The following HNRNPM variants were observed in gnomAD, a reference collection of about 807,000 sequenced individuals.
HNRNPM encodes the protein CEA receptor.
HNRNPM carries 11 observed loss-of-function variants against 73.1 expected under a neutral mutation model. The observed-to-expected ratio is 0.15, with a 90% CI of 0.09 to 0.25. HNRNPM has a LOEUF of 0.25. HNRNPM is among the 10% of genes least tolerant of loss of function. HNRNPM has a pLI of 1.00. For missense variants in HNRNPM, 789 were observed against 1,067.9 expected (o/e 0.74, Z 3.64); for synonymous variants, 407 against 355.2 (o/e 1.15, Z -1.64).
chr19:8,462,244 T>G lies in HNRNPM; in HGVS notation c.284-285T>G. On this transcript the variant is annotated intron_variant, in intron 2 of 15. Coordinates refer to ENST00000325495, the MANE Select transcript of HNRNPM (RefSeq NM_005968.5). This position sits in a 1 kb window ranked among gnomAD's most constrained non-coding sequence, Gnocchi z 4.5. ...TTCTTTCCTATAGATTTGGATTGCC[T>G]CTAGTCATGAATGAGTCTTCCAGAC... The G allele has an allele frequency of 5.2e-6, 2 of 385,814 alleles. No homozygotes were observed. Among genetic ancestry groups the G allele is most frequent in the Admixed American group, 7.7e-5 (2 of 25,976 alleles). 23.9% of individuals were successfully genotyped at this position (385,814 alleles called of 1,614,324 possible).
At chr19:8,452,396 TTA>T (rs1446674822) in intron 1 of HNRNPM, among the ~76,000 whole-genome samples, 2 of 150,148 alleles carry the variant, frequency 1.3e-5, no homozygotes, top group Non-Finnish European at 3.0e-5. Flanking sequence ...GTAGATTCTG[TTA>T]TGTTTTATGA....
chr19:8,469,905 A>T (rs968255716), intron 9 of HNRNPM, among the ~76,000 whole-genome samples: 1 of 152,234 alleles, frequency 6.6e-6, no homozygotes, highest in Admixed American at 6.5e-5. Flanking sequence ...TGACAGATGT[A>T]TCTTGAAGGG....
At chr19:8,466,828 CAAAAAAAAAAAA>C (rs61362863) in intron 7 of HNRNPM, among the ~76,000 whole-genome samples, 2 of 56,494 alleles carry the variant, frequency 3.5e-5, no homozygotes, top group South Asian at 1.1e-3. Flanking sequence ...GACTCAGTCT[CAAAAAAAAAAAA>C]AAAAAAAAAA....
chr19:8,474,329 A>G (rs1970359057), intron 12 of HNRNPM, 85 bp downstream of exon 12: 2 of 805,186 alleles, frequency 2.5e-6, no homozygotes, highest in Non-Finnish European at 1.9e-6. Context: ...AGACCCACTG[A>G]ATAAGTGGTT....
At chr19:8,468,143 T>C (rs1969885187) in intron 8 of HNRNPM, among the ~76,000 whole-genome samples, 1 of 152,366 alleles carries the variant, frequency 6.6e-6, no homozygotes, top group African/African-American at 2.4e-5. Flanking sequence ...CACCTGGGTA[T>C]CCTGGTTGAG....
At chr19:8,474,394 T>C (rs1228617055) in intron 12 of HNRNPM, 150 bp downstream of exon 12, 1 of 522,130 alleles carries the variant, frequency 1.9e-6, no homozygotes, top group Non-Finnish European at 3.4e-6. Flanking sequence ...CTTAAATATT[T>C]CAAAAACTAG....
chr19:8,469,967 G>C (rs1428157493), intron 9 of HNRNPM, among the ~76,000 whole-genome samples: 1 of 152,268 alleles, frequency 6.6e-6, no homozygotes, highest in Non-Finnish European at 1.5e-5. Context: ...ACATTAGTTA[G>C]AGAAGGATTG....
chr19:8,477,676 AAAAAAAAAAAAAAAAAAG>A (rs1433186720), intron 12 of HNRNPM, among the ~76,000 whole-genome samples: 11 of 11,920 alleles, frequency 9.2e-4, no homozygotes, highest in Non-Finnish European at 1.8e-3. Context: ...AAAAAAAAAA[AAAAAAAAAAAAAAAAAAG>A]AACCTTACAA....
chr19:8,485,508 C>A, intron 13 of HNRNPM, 95 bp from the exon 14 acceptor site: 1 of 1,246,906 alleles, frequency 8.0e-7, no homozygotes, highest in Non-Finnish European at 1.1e-6. Context: ...GCCTTTACCC[C>A]TGATCCATGC....
intron 12 of HNRNPM, among the ~76,000 whole-genome samples, chr19:8,479,772 A>ATTTT (rs869126042): frequency 7.2e-5 from 3 of 41,638 alleles, no homozygotes; most frequent in African/African-American, 2.7e-4. Context: ...AAAAAAAAAA[A>ATTTT]TTTTTTTTTT....
chr19:8,459,123 C>G (rs1284759711), intron 2 of HNRNPM, among the ~76,000 whole-genome samples: 1 of 152,174 alleles, frequency 6.6e-6, no homozygotes, highest in African/African-American at 2.4e-5. Context: ...GATGGGCTTT[C>G]ACCATGTTGG....
intron 8 of HNRNPM, among the ~76,000 whole-genome samples, chr19:8,468,529 T>C (rs1969913116): frequency 1.3e-5 from 2 of 152,178 alleles, no homozygotes; most frequent in Admixed American, 6.5e-5. Flanking sequence ...GTGAAGATAG[T>C]GTGAGTCCTA....
intron 12 of HNRNPM, among the ~76,000 whole-genome samples, chr19:8,479,570 G>A (rs1568294890): frequency 6.6e-6 from 1 of 151,630 alleles, no homozygotes; most frequent in Non-Finnish European, 1.5e-5. Context: ...TCCTACCTTT[G>A]CCTCTGAGTG....
In HNRNPM at chr19:8,466,278, G is replaced by C. The variant is rs759128543; in HGVS notation, c.674G>C (p.Ser225Thr). ...TGGAAGAAACTGAAGGAAGTATTTAGTATGGCTGGTGTGGTGGTCCGAGCA... is the reference window on the plus strand; with the variant it reads ...TGGAAGAAACTGAAGGAAGTATTTACTATGGCTGGTGTGGTGGTCCGAGCA... Reference protein sequence around the residue: ...VGWKKLKEVFSMAGVVVRADI... With the variant: ...VGWKKLKEVFTMAGVVVRADI... Residue 225 changes from serine (S) to threonine (T), a missense_variant, in exon 7 of 16, where the codon AGT becomes ACT. Transcript: ENST00000325495. 3 of 1,614,102 alleles carry C rather than the reference G, an allele frequency of 1.9e-6. No individual in the cohort carries two copies. The highest frequency in any genetic ancestry group is 2.5e-6 in the Non-Finnish European group (3 of 1,180,020).
At chr19:8,471,545 CTCCTT>C (rs1970138640) in intron 10 of HNRNPM, 118 bp downstream of exon 10, 7 of 477,004 alleles carry the variant, frequency 1.5e-5, no homozygotes, top group Non-Finnish European at 2.2e-5. Context: ...ACAAAATTCC[CTCCTT>C]ATTCATCTCT....
In HNRNPM at chr19:8,445,079, G is replaced by A; in HGVS notation, c.81G>A (p.Val27=). 2 of 1,424,178 alleles carry A rather than the reference G, an allele frequency of 1.4e-6. No individual in the cohort carries two copies. Among genetic ancestry groups the A allele is most frequent in the South Asian group, 1.5e-5 (1 of 64,696 alleles). 88.2% of individuals were successfully genotyped at this position (1,424,178 alleles called of 1,614,324 possible). A position where few individuals can be genotyped will look rare whatever the true frequency, so the allele number is the denominator to read the frequency against. ...AGGAAGAGAGCGGCGCGCCCGGCGTGCCGAGCGGCAACGGGGCTCCGGGCC... is the reference window on the plus strand; with the variant it reads ...AGGAAGAGAGCGGCGCGCCCGGCGTACCGAGCGGCAACGGGGCTCCGGGCC... ...KMEEESGAPG[V]PSGNGAPGPK... Residue 27 remains valine, a synonymous_variant, in exon 1 of 16, where the codon GTG becomes GTA. Coordinates refer to ENST00000325495, the MANE Select transcript of HNRNPM (RefSeq NM_005968.5).
intron 1 of HNRNPM, among the ~76,000 whole-genome samples, chr19:8,452,047 T>C (rs1489335173): frequency 6.6e-6 from 1 of 152,160 alleles, no homozygotes; most frequent in Non-Finnish European, 1.5e-5. Context: ...CCATTAAGCA[T>C]GGTGAGAGCC....
intron 7 of HNRNPM, 28 bp from the exon 8 acceptor site, chr19:8,467,507 C>T: frequency 6.3e-7 from 1 of 1,585,556 alleles, no homozygotes; most frequent in Non-Finnish European, 8.7e-7. Flanking sequence ...TTTAGAATTG[C>T]AAGAAATAGC....
intron 12 of HNRNPM, among the ~76,000 whole-genome samples, chr19:8,478,314 T>TG (rs943499829): frequency 6.6e-6 from 1 of 152,222 alleles, no homozygotes; most frequent in Non-Finnish European, 1.5e-5. Context: ...GTGGCTGTCG[T>TG]GTGTATACAT....
Sources: allele counts gnomAD v4.1 joint callset (sites outside exome capture counted in the v4.1 genomes callset), GRCh38; gene constraint gnomAD v4.1.1; non-coding constraint Gnocchi (gnomAD v3.1); transcripts MANE v1.5; gene names NCBI Gene and HGNC (gene_info 2026-07-23, HGNC 2026-07-21).